ZNF547: variants seen among roughly 807,000 people sequenced by gnomAD.
ZNF547 encodes zinc finger protein 547.
In ZNF547, 4 loss-of-function variants were observed where a neutral mutation model predicts 7.7. The ratio of observed to expected loss-of-function variants is 0.52; its 90% CI spans 0.26 to 1.20. ZNF547 has a LOEUF of 1.20. Ranked by LOEUF, ZNF547 falls within the 50% of genes most tolerant of loss-of-function variation. The pLI, the probability that ZNF547 is intolerant of heterozygous loss-of-function variation, is 0.14. For missense variants in ZNF547, 449 were observed against 485.8 expected (o/e 0.92, Z 0.71); for synonymous variants, 166 against 166.2 (o/e 1.00, Z 0.01).
chr19:57,378,087 C>CA lies in ZNF547; in HGVS notation c.1112dup (p.Thr372AspfsTer11), dbSNP rs763224617. 24 of 1,613,922 alleles carry CA rather than the reference C, an allele frequency of 1.5e-5. No homozygotes were observed. The highest frequency in any genetic ancestry group is 2.7e-5 in the African/African-American group (2 of 74,868). On this transcript the variant is annotated frameshift_variant, in exon 4 of 4. Coordinates refer to ENST00000282282, the MANE Select transcript of ZNF547 (RefSeq NM_173631.4). LOFTEE classifies it low-confidence loss of function (END_TRUNC). ...TACAAAGTCCCACCTCATTTGTCAT[C>CA]AGACAGTTCACACTGCAGCAAAGCA... is the stretch of plus-strand genomic sequence containing the variant.
At position 57,377,259 on chromosome 19, in the gene ZNF547, C is replaced by T; in HGVS notation, c.283C>T (p.Leu95Phe). ...CCAGCCCTGTGAGACATGTAGCTCA[C>T]TTCTGAAGGACATTCTGCGTCTGGC... is the stretch of plus-strand genomic sequence containing the variant. ...NTQPCETCSS[L>F]LKDILRLAEH... The change falls in exon 4 of 4, where the codon CTT (leucine) becomes TTT (phenylalanine). Residue 95 changes from leucine (L) to phenylalanine (F), a missense_variant. Coordinates refer to ENST00000282282, the MANE Select transcript of ZNF547 (RefSeq NM_173631.4). 1 of 1,614,244 alleles carries T rather than the reference C, an allele frequency of 6.2e-7. No homozygotes were observed. Among genetic ancestry groups the T allele is most frequent in the Non-Finnish European group, 8.5e-7 (1 of 1,180,056 alleles).
chr19:57,369,080 T>A (rs1190519674), intron 2 of ZNF547, among the ~76,000 whole-genome samples: 8 of 152,058 alleles, frequency 5.3e-5, no homozygotes, highest in African/African-American at 1.7e-4. Flanking sequence ...AGGGCAGTGA[T>A]AGGACCCTAG....
rs757326841 is a variant in ZNF547 at position 57,377,894 on chromosome 19, G to A, written c.918G>A (p.Met306Ile). 6.8e-6 allele frequency: 11 copies of A among 1,613,344 alleles called. No individual in the cohort carries two copies. The highest frequency in any genetic ancestry group is 9.3e-6 in the Non-Finnish European group (11 of 1,179,900). ...GCAGTGAATGTGGGAAATTCTTTAT[G>A]GAAAGGTCTACACTCAGTAGACATC... ...YGCSECGKFFMERSTLSRHQR... is the reference protein window; with the variant it reads ...YGCSECGKFFIERSTLSRHQR... Residue 306 changes from methionine to isoleucine, a missense_variant, in exon 4 of 4, where the codon ATG becomes ATA. By Grantham distance (10) the Met-to-Ile change is conservative. Transcript: ENST00000282282.
intron 2 of ZNF547, among the ~76,000 whole-genome samples, chr19:57,369,637 C>T (rs1350906408): frequency 6.6e-6 from 1 of 151,670 alleles, no homozygotes. Context: ...GTGGAGGAGT[C>T]ACTAGACAAA....
chr19:57,377,204 T>C lies in ZNF547; in HGVS notation c.228T>C (p.Ala76=). ...GVSVGVSQVM[A]PKPCLSTQNT... is the part of the protein sequence containing the mutation. The stretch of plus-strand genomic sequence containing the variant: ...CTGTAGGAGTGTCACAGGTCATGGC[T>C]CCAAAGCCCTGTCTATCTACCCAGA... Residue 76 remains alanine, a synonymous_variant, in exon 4 of 4, where the codon GCT becomes GCC. Coordinates refer to ENST00000282282, the MANE Select transcript of ZNF547 (RefSeq NM_173631.4). 4 of 1,614,158 alleles carry C rather than the reference T, an allele frequency of 2.5e-6. No individual in the cohort carries two copies. Among genetic ancestry groups the C allele is most frequent in the South Asian group, 1.1e-5 (1 of 91,080 alleles).
At chr19:57,375,392 G>A (rs921159256) in intron 3 of ZNF547, among the ~76,000 whole-genome samples, 10 of 150,126 alleles carry the variant, frequency 6.7e-5, no homozygotes, top group Admixed American at 2.0e-4. Flanking sequence ...GGCCCACTCC[G>A]GTAATCCCAG....
In ZNF547 at chr19:57,379,231, T is replaced by C. The variant is rs2088559112; in HGVS notation, c.*1046T>C. On this transcript the variant is annotated 3_prime_UTR_variant, in exon 4 of 4. Transcript: ENST00000282282. ...CTGGATCACATGGTACTTCTAACTT[T>C]AATTCTTTGATGAACTGAGAAACTT... The C allele has an allele frequency of 6.6e-6, 1 of 152,292 alleles. No homozygotes were observed. Among genetic ancestry groups the C allele is most frequent in the South Asian group, 2.1e-4 (1 of 4,844 alleles). The allele number at this position is 152,292 out of a possible 1,614,324, so 9.4% of individuals were successfully genotyped here. A position where few individuals can be genotyped will look rare whatever the true frequency, so the allele number is the denominator to read the frequency against.
intron 3 of ZNF547, among the ~76,000 whole-genome samples, chr19:57,372,980 T>C (rs1191026888): frequency 6.6e-6 from 1 of 152,218 alleles, no homozygotes; most frequent in African/African-American, 2.4e-5. Context: ...TCATCAGGGC[T>C]CTCCCATTAT....
chr19:57,372,687 C>T (rs2088514021), intron 3 of ZNF547, among the ~76,000 whole-genome samples: 1 of 152,264 alleles, frequency 6.6e-6, no homozygotes, highest in Non-Finnish European at 1.5e-5. Context: ...ACTCTGACTT[C>T]TAATCCCTGG....
At chr19:57,364,970 T>C (rs1322328994) in intron 1 of ZNF547, 1 of 1,612,990 alleles carries the variant, frequency 6.2e-7, no homozygotes, top group African/African-American at 1.3e-5. Context: ...CATGCTGCTC[T>C]CGACCTCGTA....
chr19:57,372,330 G>A (rs981660427), intron 3 of ZNF547, among the ~76,000 whole-genome samples: 1 of 152,186 alleles, frequency 6.6e-6, no homozygotes, highest in African/African-American at 2.4e-5. Context: ...GAAATCTTCT[G>A]TGAAGTTCTG....
At chr19:57,370,031 G>A (rs2088495352) in intron 2 of ZNF547, among the ~76,000 whole-genome samples, 1 of 147,962 alleles carries the variant, frequency 6.8e-6, no homozygotes, top group Non-Finnish European at 1.5e-5. Context: ...TAGCTGGGAC[G>A]ACAGACTCAC....
chr19:57,374,398 C>A (rs1193580607), intron 3 of ZNF547, among the ~76,000 whole-genome samples: 1 of 152,128 alleles, frequency 6.6e-6, no homozygotes, highest in African/African-American at 2.4e-5. Context: ...CTGGGCCAGG[C>A]CCACAAAACC....
chr19:57,364,394 A>AG, intron 1 of ZNF547: 1 of 182,828 alleles, frequency 5.5e-6, no homozygotes, highest in East Asian at 1.4e-4. Flanking sequence ...TCACATGGGT[A>AG]GGGGGACAGA....
chr19:57,373,155 A>C (rs2088516433), intron 3 of ZNF547, among the ~76,000 whole-genome samples: 1 of 152,230 alleles, frequency 6.6e-6, no homozygotes, highest in South Asian at 2.1e-4. Context: ...GGGAGGCCTC[A>C]GGAAACTTAC....
At chr19:57,369,896 G>GTTTTTTTTTTTTTT (rs1300181023) in intron 2 of ZNF547, among the ~76,000 whole-genome samples, 1 of 33,854 alleles carries the variant, frequency 3.0e-5, no homozygotes, top group African/African-American at 9.8e-5. Flanking sequence ...TTGACTCACA[G>GTTTTTTTTTTTTTT]TTCTTTTTTT....
At chr19:57,368,101 C>T (rs2088481590) in intron 1 of ZNF547, 2 of 157,528 alleles carry the variant, frequency 1.3e-5, no homozygotes, top group South Asian at 1.9e-4. Flanking sequence ...ATTGATTTGA[C>T]CCAAATTTGC....
At chr19:57,369,899 CTTTTTTTT>C (rs61547238) in intron 2 of ZNF547, among the ~76,000 whole-genome samples, 14 of 51,678 alleles carry the variant, frequency 2.7e-4, no homozygotes, top group Admixed American at 1.3e-3. Context: ...ACTCACAGTT[CTTTTTTTT>C]TTTTTTTTTT....
intron 1 of ZNF547, among the ~76,000 whole-genome samples, chr19:57,366,728 T>C (rs1033263239): frequency 6.6e-6 from 1 of 152,110 alleles, no homozygotes; most frequent in South Asian, 2.1e-4. Context: ...GTTGATCTTA[T>C]AACAATCCAG....
Sources: allele counts gnomAD v4.1 joint callset (sites outside exome capture counted in the v4.1 genomes callset), GRCh38; gene constraint gnomAD v4.1.1; transcripts MANE v1.5; gene names NCBI Gene and HGNC (gene_info 2026-07-23, HGNC 2026-07-21).